Variants in QTMAN observed in about 807,000 individuals in gnomAD.
QTMAN encodes tRNA-queuosine alpha-mannosyltransferase.
chr2:143,996,296 C>G, the QTMAN span, among the ~76,000 whole-genome samples: 1 of 152,058 alleles, frequency 6.6e-6, no homozygotes, highest in Non-Finnish European at 1.5e-5. Context: ...TTCTTATGGA[C>G]CAGGCCTGGA....
the QTMAN span, among the ~76,000 whole-genome samples, chr2:144,051,650 C>G: frequency 1.3e-5 from 2 of 152,224 alleles, no homozygotes; most frequent in Non-Finnish European, 2.9e-5. Flanking sequence ...ATTAAAAATA[C>G]ACATAAAAAG....
chr2:144,066,773 G>A, the QTMAN span, among the ~76,000 whole-genome samples: 3 of 152,174 alleles, frequency 2.0e-5, no homozygotes, highest in South Asian at 2.1e-4. Flanking sequence ...CTGAGATCTC[G>A]CCACTGCACT....
the QTMAN span, among the ~76,000 whole-genome samples, chr2:144,043,014 T>C: frequency 1.3e-5 from 2 of 152,112 alleles, no homozygotes; most frequent in African/African-American, 4.8e-5. Flanking sequence ...GGTTATCAGC[T>C]TCCAAGCACA....
the QTMAN span, among the ~76,000 whole-genome samples, chr2:144,020,730 A>G: frequency 6.6e-6 from 1 of 152,188 alleles, no homozygotes; most frequent in Non-Finnish European, 1.5e-5. Context: ...GAACAAGGGA[A>G]CTTTTCCTGT....
At chr2:143,993,137 G>A in the QTMAN span, among the ~76,000 whole-genome samples, 45 of 152,078 alleles carry the variant, frequency 3.0e-4, no homozygotes, top group African/African-American at 9.6e-4. Flanking sequence ...CATTTATCAC[G>A]GCAAATTTTT....
At chr2:144,268,640 T>A in the QTMAN span, among the ~76,000 whole-genome samples, 2 of 152,230 alleles carry the variant, frequency 1.3e-5, no homozygotes, top group Non-Finnish European at 2.9e-5. Context: ...CAGTTGAGGA[T>A]GTATTTGTTA....
the QTMAN span, among the ~76,000 whole-genome samples, chr2:144,275,960 C>A: frequency 6.6e-6 from 1 of 152,144 alleles, no homozygotes; most frequent in African/African-American, 2.4e-5. Flanking sequence ...AACTTAAATA[C>A]ATATTCCTCA....
the QTMAN span, among the ~76,000 whole-genome samples, chr2:144,172,531 A>G: frequency 2.0e-3 from 306 of 151,206 alleles, 1 homozygote; most frequent in African/African-American, 7.1e-3. Flanking sequence ...GGCTGAGGCA[A>G]GAGAATTGCT....
chr2:144,146,591 G>A, the QTMAN span, among the ~76,000 whole-genome samples: 2 of 151,714 alleles, frequency 1.3e-5, no homozygotes, highest in Admixed American at 6.6e-5. Flanking sequence ...AATGCTGCCT[G>A]TAATAGAGAC....
the QTMAN span, among the ~76,000 whole-genome samples, chr2:144,160,487 T>C: frequency 6.6e-6 from 1 of 152,166 alleles, no homozygotes; most frequent in African/African-American, 2.4e-5. Flanking sequence ...ACATGAGTAT[T>C]ACATGGCAAA....
the QTMAN span, among the ~76,000 whole-genome samples, chr2:144,064,170 AG>A: frequency 6.6e-6 from 1 of 152,222 alleles, no homozygotes; most frequent in African/African-American, 2.4e-5. Flanking sequence ...CACAGTGAAC[AG>A]GAAGGCAAGA....
chr2:144,135,042 G>A, the QTMAN span, among the ~76,000 whole-genome samples: 2 of 152,142 alleles, frequency 1.3e-5, no homozygotes, highest in East Asian at 1.9e-4. Flanking sequence ...ATTTGAAGAA[G>A]ATGATACCCA....
At chr2:144,173,003 T>C in the QTMAN span, among the ~76,000 whole-genome samples, 140 of 152,236 alleles carry the variant, frequency 9.2e-4, no homozygotes, top group African/African-American at 3.3e-3. Flanking sequence ...TTTACTTTTG[T>C]TTTTGAGTAA....
chr2:144,136,926 C>T, the QTMAN span, among the ~76,000 whole-genome samples: 1 of 152,076 alleles, frequency 6.6e-6, no homozygotes, highest in African/African-American at 2.4e-5. Context: ...ATCTTGCAGG[C>T]CTGGAAGCCT....
chr2:144,220,951 T>C, the QTMAN span, among the ~76,000 whole-genome samples: 2 of 152,332 alleles, frequency 1.3e-5, no homozygotes, highest in South Asian at 2.1e-4. Context: ...ATTTAAAATA[T>C]CAGATAAACC....
the QTMAN span, among the ~76,000 whole-genome samples, chr2:144,010,062 CAAAAAAA>C: frequency 1.3e-5 from 1 of 74,882 alleles, no homozygotes; most frequent in African/African-American, 4.6e-5. Flanking sequence ...AAGGATTCAC[CAAAAAAA>C]AAAAAAAAAG....
At chr2:144,064,620 T>A in the QTMAN span, among the ~76,000 whole-genome samples, 3 of 152,060 alleles carry the variant, frequency 2.0e-5, no homozygotes, top group African/African-American at 7.2e-5. Context: ...TTTAGCAATA[T>A]AGAAGTAGGG....
At chr2:144,154,460 ACTC>A in the QTMAN span, among the ~76,000 whole-genome samples, 1 of 152,194 alleles carries the variant, frequency 6.6e-6, no homozygotes, top group Non-Finnish European at 1.5e-5. Context: ...ATGGTGTAAT[ACTC>A]CTTAACACAA....
At chr2:144,042,593 A>AAAAC in the QTMAN span, among the ~76,000 whole-genome samples, 6 of 151,804 alleles carry the variant, frequency 4.0e-5, no homozygotes, top group Non-Finnish European at 1.5e-5. Flanking sequence ...GTTTCTACAA[A>AAAAC]AAACAAACAA....
Sources: allele counts gnomAD v4.1 joint callset (sites outside exome capture counted in the v4.1 genomes callset), GRCh38; gene constraint gnomAD v4.1.1; transcripts MANE v1.5; gene names NCBI Gene and HGNC (gene_info 2026-07-23, HGNC 2026-07-21).